The following INTS6 variants were observed in gnomAD, a reference collection of about 807,000 sequenced individuals.
The protein encoded by INTS6 is DEAD box protein.
Under a neutral mutation model 104.9 loss-of-function variants are expected in INTS6, and 16 were observed. The ratio of observed to expected loss-of-function variants is 0.15; its 90% confidence interval spans 0.10 to 0.23. The LOEUF is 0.23. Ranked by LOEUF, INTS6 falls within the 10% of genes least tolerant of loss-of-function variation. The pLI is 1.00. For missense variants in INTS6, 584 were observed against 1,062.8 expected (o/e 0.55, Z 6.26); for synonymous variants, 324 against 358.7 (o/e 0.90, Z 1.09).
At chr13:51,411,167 C>T (rs565315324) in intron 4 of INTS6, among the ~76,000 whole-genome samples, 3 of 151,390 alleles carry the variant, frequency 2.0e-5, no homozygotes, top group South Asian at 4.2e-4. Context: ...GAGCCGAGAT[C>T]GCGCCACTGC....
chr13:51,383,645 G>C lies in INTS6; in HGVS notation c.991C>G (p.Pro331Ala). 1 of 1,613,912 alleles carries C rather than the reference G, an allele frequency of 6.2e-7. No individual in the cohort carries two copies. Among genetic ancestry groups the C allele is most frequent in the Non-Finnish European group, 8.5e-7 (1 of 1,179,912 alleles). The change falls in exon 8 of 18, where the codon CCT becomes GCT. Residue 331 changes from proline to alanine, a missense_variant. Pro to Ala is a conservative substitution (Grantham distance 27, BLOSUM62 -1). This residue lies in a region of INTS6 where 144 missense variants were observed against 348.7 expected (regional missense o/e 0.41). Coordinates refer to ENST00000311234, the MANE Select transcript of INTS6 (RefSeq NM_012141.3). ...AGGATAAATTGAGTCAGTGGTGAAG[G>C]TTCCAACTCATATTTGTCAAAAGGA... ...KLPFDKYELE[P>A]SPLTQFILER...
At chr13:51,394,308 T>C (rs2137963416) in intron 5 of INTS6, among the ~76,000 whole-genome samples, 1 of 152,330 alleles carries the variant, frequency 6.6e-6, no homozygotes, top group Non-Finnish European at 1.5e-5. Flanking sequence ...AAGCATTTAA[T>C]GACATGAATA....
rs1955587954 is a variant in INTS6 at position 51,362,012 on chromosome 13, C to CT, written c.*3739dup. 5.0e-6 allele frequency: 8 copies of CT among 1,606,864 alleles called. No homozygotes were observed. The highest frequency in any genetic ancestry group is 1.3e-5 in the African/African-American group (1 of 74,450). On this transcript the variant is annotated 3_prime_UTR_variant, in exon 18 of 18. Coordinates refer to ENST00000311234, the MANE Select transcript of INTS6 (RefSeq NM_012141.3). ...ATTCTTTCTAGCTGTTTTTATGGTG[C>CT]TTCAGAAGCTACCCAGTTGCTATCT...
At chr13:51,422,887 T>C (rs1956920711) in intron 4 of INTS6, 2 of 336,872 alleles carry the variant, frequency 5.9e-6, no homozygotes, top group African/African-American at 4.4e-5. Flanking sequence ...TTTTGCATAC[T>C]GTTTTCTCTT....
chr13:51,351,060 A>T (rs1230676856), downstream of INTS6, among the ~76,000 whole-genome samples: 1 of 152,172 alleles, frequency 6.6e-6, no homozygotes, highest in Non-Finnish European at 1.5e-5. Flanking sequence ...TAGATATTTG[A>T]GTGCCTAGAC....
At chr13:51,418,019 C>T (rs1358090199) in intron 4 of INTS6, among the ~76,000 whole-genome samples, 1 of 152,212 alleles carries the variant, frequency 6.6e-6, no homozygotes, top group Non-Finnish European at 1.5e-5. Context: ...AGACATTTTC[C>T]TCACCGTCAC....
chr13:51,398,871 C>T (rs188704663), intron 4 of INTS6, among the ~76,000 whole-genome samples: 9 of 152,260 alleles, frequency 5.9e-5, no homozygotes, highest in Non-Finnish European at 1.0e-4. Flanking sequence ...AACTAGAACT[C>T]TTAACATCCA....
At chr13:51,388,699 C>T (rs1392693331) in intron 6 of INTS6, among the ~76,000 whole-genome samples, 1 of 152,102 alleles carries the variant, frequency 6.6e-6, no homozygotes. Flanking sequence ...AGCAATGACT[C>T]TTAAATCTTG....
At chr13:51,439,915 T>A (rs181307255) in intron 3 of INTS6, 14 of 152,260 alleles carry the variant, frequency 9.2e-5, no homozygotes, top group Admixed American at 8.5e-4. Flanking sequence ...CCTGACCCTG[T>A]GTGCGCCTAG....
chr13:51,383,237 G>T, intron 9 of INTS6, 92 bp downstream of exon 9: 2 of 1,067,802 alleles, frequency 1.9e-6, no homozygotes, highest in South Asian at 2.3e-5. Context: ...TATTTTCATT[G>T]ATTTCCAGAA....
chr13:51,393,323 C>T (rs577691654), intron 5 of INTS6, among the ~76,000 whole-genome samples: 19 of 152,294 alleles, frequency 1.2e-4, no homozygotes, highest in African/African-American at 3.8e-4. Flanking sequence ...GGTAATCCGC[C>T]CACCTTGGCC....
At chr13:51,373,471 G>C (rs897716627) in intron 15 of INTS6, among the ~76,000 whole-genome samples, 4 of 152,138 alleles carry the variant, frequency 2.6e-5, no homozygotes, top group Non-Finnish European at 5.9e-5. Context: ...GATTCTCACT[G>C]TCCTTAGAAT....
At chr13:51,434,508 A>C (rs923857074) in intron 3 of INTS6, among the ~76,000 whole-genome samples, 16 of 152,146 alleles carry the variant, frequency 1.1e-4, no homozygotes, top group African/African-American at 3.4e-4. Context: ...CCCCTCTAAG[A>C]TTAAAGAGCT....
At chr13:51,441,294 A>G (rs1387825615) in intron 3 of INTS6, 1 of 152,236 alleles carries the variant, frequency 6.6e-6, no homozygotes, top group Non-Finnish European at 1.5e-5. Context: ...TAAAATTCAA[A>G]TAAGAGAAAA....
chr13:51,442,420 G>A (rs112748412), intron 3 of INTS6: 1,732 of 152,468 alleles, frequency 0.011, 26 homozygotes, highest in East Asian at 0.071. Context: ...TACTAGGCAT[G>A]AACCATCGCA....
At chr13:51,354,707 G>C (rs1309610340) in intron 3 of INTS6, among the ~76,000 whole-genome samples, 1 of 152,152 alleles carries the variant, frequency 6.6e-6, no homozygotes, top group Non-Finnish European at 1.5e-5. Context: ...CGTAAGAGCA[G>C]AACAAGGTAT....
At chr13:51,359,902 T>A (rs1955537553), downstream of INTS6, among the ~76,000 whole-genome samples, 1 of 152,054 alleles carries the variant, frequency 6.6e-6, no homozygotes, top group Admixed American at 6.6e-5. Flanking sequence ...AAAGACCAAC[T>A]GCTAAAATAA....
rs529265261 is a variant in INTS6 at position 51,371,809 on chromosome 13, G to C, written c.2104+2399C>G. Among the ~76,000 whole-genome samples, 34 of 152,060 alleles carry C rather than the reference G, an allele frequency of 2.2e-4. No homozygotes were observed. The South Asian group carries it at 6.9e-3, about 31-fold the overall frequency. On this transcript the variant is annotated intron_variant, in intron 15 of 17. Coordinates refer to ENST00000311234, the MANE Select transcript of INTS6 (RefSeq NM_012141.3). ...TTCACCTTCTACCTCACAGAGCTCG[G>C]AAGAAAAGCAAAGCCATGATTAAGG...
intron 16 of INTS6, 117 bp downstream of exon 16, chr13:51,368,822 A>T: frequency 9.4e-7 from 1 of 1,066,074 alleles, no homozygotes; most frequent in Non-Finnish European, 1.3e-6. Context: ...ATGTTGTTCA[A>T]GACAGATCTA....
Sources: gnomAD v4.1 joint callset for allele counts (sites outside exome capture counted in the v4.1 genomes callset) on GRCh38, gnomAD v4.1.1 for gene constraint, gnomAD v4.1.1 regional missense constraint, MANE v1.5 for transcripts, NCBI Gene and HGNC (gene_info 2026-07-23, HGNC 2026-07-21) for gene names.